Variants in PDE4B observed in about 807,000 individuals in gnomAD.
PDE4B encodes 3',5'-cyclic-AMP phosphodiesterase 4B.
A neutral mutation model predicts 82.2 loss-of-function variants in PDE4B; 20 were observed. The observed-to-expected ratio is 0.24, with a 90% CI of 0.17 to 0.35. The LOEUF (loss-of-function observed/expected upper bound fraction) is 0.35, where lower values mean the gene tolerates loss of function less well. Among genes scored for constraint, PDE4B ranks in the 10% least tolerant of loss-of-function variants. PDE4B has a pLI of 1.00. For synonymous variants in PDE4B, 320 were observed against 318.9 expected, an observed-to-expected ratio of 1.00 and a Z score of -0.04; for missense variants, 655 against 907.2, an observed-to-expected ratio of 0.72 and a Z score of 3.57.
chr1:65,943,855 C>T lies in PDE4B; in HGVS notation c.281+25020C>T, dbSNP rs191317809. 7.7e-4 allele frequency among the ~76,000 whole-genome samples: 117 copies of T among 151,822 alleles called. 1 individual carries two copies. The highest frequency in any genetic ancestry group is 2.7e-3 in the African/African-American group (111 of 41,466). On this transcript the variant is annotated intron_variant, in intron 3 of 16. Transcript: ENST00000341517. ...TTGATTTTATATACTGAAACTTTAC[C>T]GAATTTTGTTTAATAGTTCTAATAA...
At chr1:66,269,259 C>A (rs1316666069) in intron 7 of PDE4B, among the ~76,000 whole-genome samples, 1 of 152,110 alleles carries the variant, frequency 6.6e-6, no homozygotes, top group African/African-American at 2.4e-5. Context: ...AGAGTGAAAT[C>A]TAAGAAGTTG....
At chr1:65,849,780 A>G (rs1045021952) in intron 1 of PDE4B, among the ~76,000 whole-genome samples, 1 of 152,216 alleles carries the variant, frequency 6.6e-6, no homozygotes, top group Non-Finnish European at 1.5e-5. Context: ...AACCAGAACA[A>G]GAACGCCCCT....
At chr1:66,267,712 C>T (rs1655155814) in intron 7 of PDE4B, among the ~76,000 whole-genome samples, 1 of 152,078 alleles carries the variant, frequency 6.6e-6, no homozygotes, top group African/African-American at 2.4e-5. Flanking sequence ...TGGCAAACTA[C>T]AAAAATCTTG....
rs571629230 is a variant in PDE4B at position 65,936,813 on chromosome 1, G to A, written c.281+17978G>A. On this transcript the variant is annotated intron_variant, in intron 3 of 16. Coordinates refer to ENST00000341517, the MANE Select transcript of PDE4B (RefSeq NM_002600.4). ...CCTTGAACTCTCCTTTCAGCCAAAG[G>A]CAGGCATGTTCTAAACACTGAATCA... Among the ~76,000 whole-genome samples the A allele has an allele frequency of 2.0e-5, 3 of 152,270 alleles. No individual in the cohort carries two copies. In the South Asian group the frequency reaches 6.2e-4, roughly 32 times the overall value.
intron 3 of PDE4B, among the ~76,000 whole-genome samples, chr1:66,046,919 G>T (rs1226026490): frequency 6.6e-6 from 1 of 151,768 alleles, no homozygotes; most frequent in Admixed American, 6.6e-5. Context: ...ATGAATCAAT[G>T]CAGATAAACT....
At chr1:66,371,441 C>T (rs562441278) in intron 16 of PDE4B, among the ~76,000 whole-genome samples, 1 of 152,162 alleles carries the variant, frequency 6.6e-6, no homozygotes, top group East Asian at 1.9e-4. Context: ...AATGAGGAGG[C>T]CAGCGTAAGG....
chr1:66,126,949 T>C (rs1221422742), intron 3 of PDE4B, among the ~76,000 whole-genome samples: 1 of 152,094 alleles, frequency 6.6e-6, no homozygotes, highest in Non-Finnish European at 1.5e-5. Context: ...TTCTGCAAAA[T>C]GACTAATCTG....
chr1:65,941,380 A>G (rs1032832410), intron 3 of PDE4B, among the ~76,000 whole-genome samples: 2 of 152,022 alleles, frequency 1.3e-5, no homozygotes, highest in Non-Finnish European at 2.9e-5. Flanking sequence ...ATTCCTAAAA[A>G]CTGAGAAGTG....
chr1:66,032,362 C>T (rs1653825290), intron 3 of PDE4B, among the ~76,000 whole-genome samples: 1 of 152,066 alleles, frequency 6.6e-6, no homozygotes, highest in South Asian at 2.1e-4. Flanking sequence ...AATTATAATC[C>T]TAGGAGGCTA....
intron 3 of PDE4B, among the ~76,000 whole-genome samples, chr1:66,111,499 A>C (rs895948172): frequency 1.3e-5 from 2 of 152,134 alleles, no homozygotes; most frequent in Admixed American, 6.6e-5. Context: ...GACACTGAAT[A>C]TAAGTAGACT....
chr1:66,224,240 C>A (rs571431310), intron 3 of PDE4B, among the ~76,000 whole-genome samples: 3 of 152,266 alleles, frequency 2.0e-5, no homozygotes, highest in East Asian at 1.9e-4. Context: ...TCCCCTCAAC[C>A]CCTCTCACAC....
At chr1:65,840,345 CAT>C (rs1334660279) in intron 1 of PDE4B, among the ~76,000 whole-genome samples, 1 of 151,966 alleles carries the variant, frequency 6.6e-6, no homozygotes, top group African/African-American at 2.4e-5. Context: ...AAAAGAAAAA[CAT>C]ATAGTTATAC....
chr1:66,313,293 T>C (rs1202636348), intron 7 of PDE4B, among the ~76,000 whole-genome samples: 2 of 152,242 alleles, frequency 1.3e-5, no homozygotes, highest in African/African-American at 2.4e-5. Context: ...AAATTACTTC[T>C]AGAATTCTAG....
At chr1:66,292,622 A>T (rs1657167976) in intron 7 of PDE4B, among the ~76,000 whole-genome samples, 1 of 152,188 alleles carries the variant, frequency 6.6e-6, no homozygotes. Context: ...GTGGCTATTA[A>T]ATGTCAGCTG....
chr1:65,843,908 G>A (rs536938289), intron 1 of PDE4B, among the ~76,000 whole-genome samples: 2 of 152,170 alleles, frequency 1.3e-5, no homozygotes, highest in African/African-American at 4.8e-5. Context: ...TGACATAAGT[G>A]GAAATAAGAC....
intron 3 of PDE4B, among the ~76,000 whole-genome samples, chr1:66,171,131 T>C (rs1021902275): frequency 2.0e-5 from 3 of 152,192 alleles, no homozygotes; most frequent in African/African-American, 7.2e-5. Context: ...TAATTAATTC[T>C]CATAAATCAG....
chr1:66,067,739 T>C (rs529038708), intron 3 of PDE4B, among the ~76,000 whole-genome samples: 9 of 152,208 alleles, frequency 5.9e-5, no homozygotes, highest in African/African-American at 2.2e-4. Context: ...TTGCTTTTGG[T>C]GTTTTAGACA....
At chr1:65,984,792 C>T (rs923229041) in intron 3 of PDE4B, among the ~76,000 whole-genome samples, 4 of 151,992 alleles carry the variant, frequency 2.6e-5, no homozygotes, top group African/African-American at 7.2e-5. Flanking sequence ...TATATGTTAT[C>T]TTTAAAAGTC....
rs1033696809 is a variant in PDE4B at position 66,320,979 on chromosome 1, A to G, written c.635-11529A>G. ...CTTGAGCAGAAACAACTATTATACA[A>G]TCTATCTCAGCAAGGGAGCTGAGTA... On this transcript the variant is annotated intron_variant, in intron 7 of 16. Transcript: ENST00000341517. Among the ~76,000 whole-genome samples the G allele has an allele frequency of 5.3e-5, 8 of 152,290 alleles. 2 individuals carry two copies. Among genetic ancestry groups the G allele is most frequent in the Admixed American group, 6.5e-5 (1 of 15,292 alleles).
Sources: gnomAD v4.1 joint callset for allele counts (sites outside exome capture counted in the v4.1 genomes callset) on GRCh38, gnomAD v4.1.1 for gene constraint, MANE v1.5 for transcripts, NCBI Gene and HGNC (gene_info 2026-07-23, HGNC 2026-07-21) for gene names.